PCSK5: variants seen among roughly 807,000 people sequenced by gnomAD.
The protein encoded by PCSK5 is prohormone convertase 5.
PCSK5 carries 129 observed loss-of-function variants against 233.2 expected under a neutral mutation model. The observed-to-expected ratio is 0.55, with a 90% CI of 0.48 to 0.64. The LOEUF (loss-of-function observed/expected upper bound fraction) is 0.64, where lower values mean the gene tolerates loss of function less well. Ranked by LOEUF, PCSK5 falls within the 30% of genes least tolerant of loss-of-function variation. The pLI, the probability that PCSK5 is intolerant of heterozygous loss-of-function variation, is 0.00. For synonymous variants in PCSK5, 825 were observed against 879.2 expected, an observed-to-expected ratio of 0.94 and a Z score of 1.09; for missense variants, 2,076 against 2,430.1, an observed-to-expected ratio of 0.85 and a Z score of 3.06.
rs767963454 is a variant in PCSK5, at chr9:76,310,848, C to A, written c.3881C>A (p.Pro1294Gln). The A allele has an allele frequency of 1.3e-6, 2 of 1,578,360 alleles. No individual in the cohort carries two copies. The highest frequency in any genetic ancestry group is 1.4e-5 in the African/African-American group (1 of 73,508). ...GAAGGCAGGTGCTACTCCAAGTGCCCGGAGTAAGTTTCCTTTTTAATTTTA... is the reference window on the plus strand; with the variant it reads ...GAAGGCAGGTGCTACTCCAAGTGCCAGGAGTAAGTTTCCTTTTTAATTTTA... The part of the protein sequence containing the change: ...LHEGRCYSKC[P>Q]EGSYAEDGIC... The change falls in exon 30 of 38, where the codon CCG (proline) becomes CAG (glutamine). Residue 1294 changes from proline to glutamine, a missense_variant. Pro to Gln is a moderately conservative substitution (Grantham distance 76). This residue lies in a region of PCSK5 where 1,510 missense variants were observed against 1,538.1 expected (regional missense o/e 0.98). Coordinates refer to ENST00000674117, the MANE Select transcript of PCSK5 (RefSeq NM_001372043.1).
intron 1 of PCSK5, among the ~76,000 whole-genome samples, chr9:75,902,156 C>T (rs1826063701): frequency 7.6e-6 from 1 of 131,624 alleles, no homozygotes; most frequent in Non-Finnish European, 1.5e-5. Flanking sequence ...GTGGAGGTTG[C>T]AGTGAGCCAA....
intron 7 of PCSK5, among the ~76,000 whole-genome samples, chr9:76,081,167 A>G (rs1587601252): frequency 6.6e-6 from 1 of 152,202 alleles, no homozygotes; most frequent in South Asian, 2.1e-4. Flanking sequence ...TTAAAAGCAT[A>G]TTAAGGCTGG....
chr9:76,119,330 A>T (rs1159596824), intron 9 of PCSK5, among the ~76,000 whole-genome samples: 3 of 152,100 alleles, frequency 2.0e-5, no homozygotes, highest in Admixed American at 1.3e-4. Flanking sequence ...TTGTTTTGAA[A>T]TAGGGAATTT....
intron 7 of PCSK5, among the ~76,000 whole-genome samples, chr9:76,088,750 T>A (rs1831163911): frequency 6.6e-6 from 1 of 152,150 alleles, no homozygotes; most frequent in South Asian, 2.1e-4. Flanking sequence ...GACTACATTA[T>A]CTCTGTGCAT....
chr9:75,998,212 G>C (rs1256921828), intron 3 of PCSK5, among the ~76,000 whole-genome samples: 1 of 152,154 alleles, frequency 6.6e-6, no homozygotes, highest in Non-Finnish European at 1.5e-5. Context: ...GTCAAGCATA[G>C]CAGGCCCACA....
chr9:76,296,775 G>C lies in PCSK5; in HGVS notation c.3433G>C (p.Glu1145Gln), dbSNP rs376287595. The C allele has an allele frequency of 4.3e-6, 7 of 1,611,458 alleles. No individual in the cohort carries two copies. Among genetic ancestry groups the C allele is most frequent in the South Asian group, 2.2e-5 (2 of 91,052 alleles). ...AACCTGCACAGGCCCTGGTCATGAC[G>C]AGTGCAGCAGCTGCCAGGAAGGACT... ...CETCTGPGHD[E>Q]CSSCQEGLQL... is the part of the protein sequence containing the mutation. The change falls in exon 27 of 38, where the codon GAG (glutamate) becomes CAG (glutamine). Residue 1145 changes from glutamate to glutamine, a missense_variant. Physicochemically the swap from Glu to Gln is conservative, Grantham distance 29. Coordinates refer to ENST00000674117, the MANE Select transcript of PCSK5 (RefSeq NM_001372043.1).
chr9:75,996,987 G>A (rs1827049495), intron 3 of PCSK5, among the ~76,000 whole-genome samples: 2 of 152,096 alleles, frequency 1.3e-5, no homozygotes, highest in South Asian at 4.1e-4. Flanking sequence ...ATGCCTCATT[G>A]CTCATTTACT....
chr9:76,346,834 A>G (rs1829994046), intron 35 of PCSK5, among the ~76,000 whole-genome samples: 1 of 152,196 alleles, frequency 6.6e-6, no homozygotes, highest in Non-Finnish European at 1.5e-5. Flanking sequence ...AAAATTTAGC[A>G]ACCTACATAA....
intron 3 of PCSK5, among the ~76,000 whole-genome samples, chr9:76,008,758 C>T (rs544858905): frequency 3.3e-5 from 5 of 152,144 alleles, no homozygotes; most frequent in Non-Finnish European, 7.4e-5. Flanking sequence ...TGCATTCTTA[C>T]CATAGGCATC....
chr9:76,130,774 A>G (rs572901384), intron 9 of PCSK5, among the ~76,000 whole-genome samples: 90 of 152,212 alleles, frequency 5.9e-4, no homozygotes, highest in Non-Finnish European at 1.1e-3. Flanking sequence ...CTCTTCATAT[A>G]TATTTTTGTT....
intron 2 of PCSK5, among the ~76,000 whole-genome samples, chr9:75,979,132 C>T (rs549260851): frequency 3.3e-5 from 5 of 152,042 alleles, no homozygotes; most frequent in East Asian, 1.9e-4. Flanking sequence ...GGGATTATCG[C>T]GTCCACCCTG....
intron 2 of PCSK5, among the ~76,000 whole-genome samples, chr9:75,967,766 C>CT (rs35915694): frequency 5.4e-5 from 8 of 148,100 alleles, no homozygotes; most frequent in African/African-American, 1.5e-4. Context: ...AGTGCCCAGC[C>CT]TTTTTTTTTT....
chr9:76,219,704 C>T (rs145828998), intron 20 of PCSK5, among the ~76,000 whole-genome samples: 4 of 152,308 alleles, frequency 2.6e-5, no homozygotes, highest in Admixed American at 1.3e-4. Context: ...GCGGCTTCCC[C>T]TCTCCTGCTG....
intron 35 of PCSK5, among the ~76,000 whole-genome samples, chr9:76,346,832 G>T (rs902011492): frequency 6.6e-6 from 1 of 152,044 alleles, no homozygotes; most frequent in African/African-American, 2.4e-5. Flanking sequence ...AAAAAATTTA[G>T]CAACCTACAT....
intron 1 of PCSK5, among the ~76,000 whole-genome samples, chr9:75,912,337 GC>G (rs1822780266): frequency 6.6e-6 from 1 of 152,196 alleles, no homozygotes; most frequent in Non-Finnish European, 1.5e-5. Flanking sequence ...ATGGCAAGAA[GC>G]CCGGTGATTC....
In PCSK5 at chr9:75,891,070, T is replaced by TGCGGCGGCCCGGGGCTGCGAGCA; in HGVS notation, c.-94_-93insGAGCAGCGGCGGCCCGGGGCTGC. 2.0e-6 allele frequency: 2 copies of TGCGGCGGCCCGGGGCTGCGAGCA among 1,017,306 alleles called. No homozygotes were observed. Among genetic ancestry groups the TGCGGCGGCCCGGGGCTGCGAGCA allele is most frequent in the Non-Finnish European group, 2.6e-6 (2 of 764,206 alleles). 63.0% of individuals were successfully genotyped at this position (1,017,306 alleles called of 1,614,324 possible). A position where few individuals can be genotyped will look rare whatever the true frequency, so the allele number is the denominator to read the frequency against. ...CTGCCGATCGCCCGGGGCTGCGAGC[T>TGCGGCGGCCCGGGGCTGCGAGCA]GCGGCGGCCCGGGGCTGCTCGCCGG... is the stretch of plus-strand genomic sequence containing the variant. On this transcript the variant is annotated 5_prime_UTR_variant, in exon 1 of 38. Coordinates refer to ENST00000674117, the MANE Select transcript of PCSK5 (RefSeq NM_001372043.1).
At chr9:76,347,842 CT>C (rs1830019027) in intron 35 of PCSK5, among the ~76,000 whole-genome samples, 1 of 151,192 alleles carries the variant, frequency 6.6e-6, no homozygotes, top group Non-Finnish European at 1.5e-5. Context: ...ATGGACTGTT[CT>C]CCCTCTTTTA....
chr9:76,089,521 GTTGCTCTAAATT>G (rs534223979), intron 7 of PCSK5, among the ~76,000 whole-genome samples: 5 of 152,112 alleles, frequency 3.3e-5, no homozygotes, highest in Non-Finnish European at 7.4e-5. Flanking sequence ...CTTTGCTGAT[GTTGCTCTAAATT>G]TTGCTCTAAA....
chr9:75,981,649 C>G (rs1826282633), intron 2 of PCSK5, among the ~76,000 whole-genome samples: 1 of 152,130 alleles, frequency 6.6e-6, no homozygotes, highest in African/African-American at 2.4e-5. Flanking sequence ...AACTCCTGGG[C>G]TCAGGTGATC....
Sources: gnomAD v4.1 joint callset for allele counts (sites outside exome capture counted in the v4.1 genomes callset) on GRCh38, gnomAD v4.1.1 for gene constraint, gnomAD v4.1.1 regional missense constraint, MANE v1.5 for transcripts, NCBI Gene and HGNC (gene_info 2026-07-23, HGNC 2026-07-21) for gene names.